EIF4EBP2: variants seen among roughly 807,000 people sequenced by gnomAD.
EIF4EBP2 encodes eukaryotic translation initiation factor 4E-binding protein 2.
EIF4EBP2 carries 5 observed loss-of-function variants against 10.3 expected under a neutral mutation model. That is an observed-to-expected ratio of 0.48 (90% CI 0.25 to 1.02). The LOEUF (loss-of-function observed/expected upper bound fraction) is 1.02. EIF4EBP2 is among the 50% of genes least tolerant of loss of function. The probability of loss-of-function intolerance (pLI) is 0.15; values close to 1 mark genes in which losing one functional copy is unlikely to be tolerated. For synonymous variants in EIF4EBP2, 67 were observed against 61.1 expected (o/e 1.10, Z -0.45); for missense variants, 188 against 162.2 (o/e 1.16, Z -0.86).
At chr10:70,405,889 G>A (rs1347648800) in intron 1 of EIF4EBP2, among the ~76,000 whole-genome samples, 1 of 152,260 alleles carries the variant, frequency 6.6e-6, no homozygotes, top group East Asian at 1.9e-4. Context: ...TGGAGAGCTG[G>A]GTTTAAGGAA....
rs1845193717 is a variant in EIF4EBP2 at position 70,425,143 on chromosome 10, GT to G, written c.*3399del. ...TTGTGGCCGTTGGCAGGATGCCTCA[GT>G]TTCTTCCCATGTGGGTCTCTGCGTA... is the stretch of plus-strand genomic sequence containing the variant. On this transcript the variant is annotated 3_prime_UTR_variant, in exon 3 of 3. Transcript: ENST00000373218. 6.6e-6 allele frequency: 1 copy of G among 152,296 alleles called. No individual in the cohort carries two copies. The highest frequency in any genetic ancestry group is 2.4e-5 in the African/African-American group (1 of 41,470). The allele number at this position is 152,296 out of a possible 1,614,324, so 9.4% of individuals were successfully genotyped here. A position where few individuals can be genotyped will look rare whatever the true frequency, so the allele number is the denominator to read the frequency against.
chr10:70,405,548 A>T (rs1300577761), intron 1 of EIF4EBP2, among the ~76,000 whole-genome samples: 1 of 152,224 alleles, frequency 6.6e-6, no homozygotes, highest in East Asian at 1.9e-4. Context: ...TTTTAACTTC[A>T]GAACTTTGTC....
intron 1 of EIF4EBP2, among the ~76,000 whole-genome samples, chr10:70,406,966 C>G (rs922415338): frequency 1.3e-5 from 2 of 152,146 alleles, no homozygotes; most frequent in African/African-American, 4.8e-5. Context: ...GGCGCGATCT[C>G]GGCTCACTGC....
At chr10:70,414,551 C>T (rs1350601871) in intron 1 of EIF4EBP2, among the ~76,000 whole-genome samples, 1 of 152,054 alleles carries the variant, frequency 6.6e-6, no homozygotes, top group Non-Finnish European at 1.5e-5. Flanking sequence ...GCCAAGGTTG[C>T]AAGATAAAAG....
At position 70,424,960 on chromosome 10, in the gene EIF4EBP2, G is replaced by GT. The variant is rs1350736702; in HGVS notation, c.*3215dup. 1 of 152,212 alleles carries GT rather than the reference G, an allele frequency of 6.6e-6. No individual in the cohort carries two copies. The highest frequency in any genetic ancestry group is 2.4e-5 in the African/African-American group (1 of 41,442). The allele number at this position is 152,212 out of a possible 1,614,324, so 9.4% of individuals were successfully genotyped here. ...TAAAAAATTACCCTAAATTTAGTAT[G>GT]TTAAAATAGTAAACATTATCTGTCA... On this transcript the variant is annotated 3_prime_UTR_variant, in exon 3 of 3. Transcript: ENST00000373218.
intron 1 of EIF4EBP2, among the ~76,000 whole-genome samples, chr10:70,419,650 G>A (rs10999324): frequency 0.37 from 55,760 of 150,852 alleles, 11,693 homozygotes; most frequent in East Asian, 0.63. Context: ...AAAAGTGAGG[G>A]GTGGGGGTGG....
intron 1 of EIF4EBP2, among the ~76,000 whole-genome samples, chr10:70,418,189 C>G (rs1037334258): frequency 2.0e-5 from 3 of 152,192 alleles, no homozygotes; most frequent in East Asian, 1.9e-4. Context: ...TTGAGGCCCC[C>G]TTACCCCCAT....
intron 1 of EIF4EBP2, among the ~76,000 whole-genome samples, chr10:70,406,069 C>T (rs1422844884): frequency 6.6e-6 from 1 of 152,190 alleles, no homozygotes; most frequent in African/African-American, 2.4e-5. Flanking sequence ...GCACTCTCTA[C>T]TTCCTGGGCT....
chr10:70,420,031 T>C lies in EIF4EBP2; in HGVS notation c.263T>C (p.Ile88Thr), dbSNP rs1050163532. ...GGAGTCACTAGCCCTGGCACCTTAA[T>C]TGAAGACTCCAAAGTAGAAGTAAAC... ...IPGVTSPGTL[I>T]EDSKVEVNNL... Residue 88 changes from isoleucine (I) to threonine (T), a missense_variant, in exon 2 of 3, where the codon ATT becomes ACT. By Grantham distance (89) the Ile-to-Thr change is moderately conservative (BLOSUM62 -1). Transcript: ENST00000373218. 6.2e-7 allele frequency: 1 copy of C among 1,613,440 alleles called. No individual in the cohort carries two copies. Among genetic ancestry groups the C allele is most frequent in the Non-Finnish European group, 8.5e-7 (1 of 1,179,814 alleles).
chr10:70,404,281 G>C lies in EIF4EBP2; in HGVS notation c.-121G>C. 7.8e-7 allele frequency: 1 copy of C among 1,286,840 alleles called. No homozygotes were observed. The highest frequency in any genetic ancestry group is 1.7e-5 in the South Asian group (1 of 59,536). The allele number at this position is 1,286,840 out of a possible 1,614,324, so 79.7% of individuals were successfully genotyped here. ...GGAGCGGAGCGGGACGAGGGAACGG[G>C]AGGAAGCGAGCGAGGAGCGCGCAGA... is the stretch of plus-strand genomic sequence containing the variant. On this transcript the variant is annotated 5_prime_UTR_variant, in exon 1 of 3. Transcript: ENST00000373218.
intron 1 of EIF4EBP2, among the ~76,000 whole-genome samples, chr10:70,407,630 T>G (rs1844985551): frequency 6.6e-6 from 1 of 151,908 alleles, no homozygotes; most frequent in Admixed American, 6.5e-5. Flanking sequence ...AGCTGTTGAG[T>G]ACACCTCCCA....
intron 1 of EIF4EBP2, among the ~76,000 whole-genome samples, chr10:70,409,523 T>C (rs1453515261): frequency 3.3e-5 from 5 of 152,230 alleles, no homozygotes; most frequent in African/African-American, 1.2e-4. Context: ...CAGCTAATTA[T>C]TGTCCGTGAG....
chr10:70,425,770 C>T lies in EIF4EBP2; in HGVS notation c.*4023C>T, dbSNP rs1013593221. 1.3e-5 allele frequency: 2 copies of T among 152,192 alleles called. No homozygotes were observed. The highest frequency in any genetic ancestry group is 2.9e-5 in the Non-Finnish European group (2 of 68,060). The allele number at this position is 152,192 out of a possible 1,614,324, so 9.4% of individuals were successfully genotyped here. On this transcript the variant is annotated 3_prime_UTR_variant, in exon 3 of 3. Transcript: ENST00000373218. ...CTTCCAGCCGAGCCACTAAACCTGT[C>T]TTATTTGGAATGGGGATTGTCCAGC...
chr10:70,423,187 T>G lies in EIF4EBP2; in HGVS notation c.*1440T>G, dbSNP rs1210010464. The G allele has an allele frequency of 2.0e-5, 3 of 152,658 alleles. No homozygotes were observed. The highest frequency in any genetic ancestry group is 2.4e-5 in the African/African-American group (1 of 41,440). 9.5% of individuals were successfully genotyped at this position (152,658 alleles called of 1,614,324 possible). A position where few individuals can be genotyped will look rare whatever the true frequency, so the allele number is the denominator to read the frequency against. On this transcript the variant is annotated 3_prime_UTR_variant, in exon 3 of 3. Coordinates refer to ENST00000373218, the MANE Select transcript of EIF4EBP2 (RefSeq NM_004096.5). ...AACAGCAACTTTTTAATTAAACATC[T>G]TCCAGTGTTAGGAAGTTGAGAAACG... is the stretch of plus-strand genomic sequence containing the variant.
chr10:70,420,336 A>C (rs1409416500), intron 2 of EIF4EBP2, among the ~76,000 whole-genome samples: 1 of 151,742 alleles, frequency 6.6e-6, no homozygotes, highest in African/African-American at 2.4e-5. Flanking sequence ...AGTAGCGGGG[A>C]TTACAGGCGC....
intron 1 of EIF4EBP2, among the ~76,000 whole-genome samples, chr10:70,406,083 G>C (rs1844961970): frequency 6.6e-6 from 1 of 152,158 alleles, no homozygotes. Flanking sequence ...CTGGGCTCAA[G>C]CGATCCTCCC....
At chr10:70,405,567 G>A (rs1348906861) in intron 1 of EIF4EBP2, among the ~76,000 whole-genome samples, 5 of 152,196 alleles carry the variant, frequency 3.3e-5, no homozygotes, top group Non-Finnish European at 4.4e-5. Flanking sequence ...TCTTCTTTTG[G>A]TGCTGGGGTG....
chr10:70,410,436 T>A (rs1845032606), intron 1 of EIF4EBP2, among the ~76,000 whole-genome samples: 1 of 152,220 alleles, frequency 6.6e-6, no homozygotes. Flanking sequence ...TTGTGCACAG[T>A]GAATGTGGTT....
At chr10:70,407,546 C>T (rs914026751) in intron 1 of EIF4EBP2, among the ~76,000 whole-genome samples, 3 of 152,164 alleles carry the variant, frequency 2.0e-5, no homozygotes, top group Non-Finnish European at 2.9e-5. Flanking sequence ...CATCCGATTT[C>T]TCAATCTTTT....
Sources: gnomAD v4.1 joint callset for allele counts (sites outside exome capture counted in the v4.1 genomes callset) on GRCh38, gnomAD v4.1.1 for gene constraint, MANE v1.5 for transcripts, NCBI Gene and HGNC (gene_info 2026-07-23, HGNC 2026-07-21) for gene names.